ALDH18A1: variants seen among roughly 807,000 people sequenced by gnomAD.
The protein encoded by ALDH18A1 is aldehyde dehydrogenase 18 family member A1, also known as delta-1-pyrroline-5-carboxylate synthase.
Under a neutral mutation model 88.8 loss-of-function variants are expected in ALDH18A1, and 44 were observed. The ratio of observed to expected loss-of-function variants is 0.50; its 90% CI spans 0.39 to 0.64. The LOEUF (loss-of-function observed/expected upper bound fraction) is 0.64. Ranked by LOEUF, ALDH18A1 falls within the 30% of genes least tolerant of loss-of-function variation. The pLI is 0.00. For missense variants in ALDH18A1, 782 were observed against 1,009.5 expected, an observed-to-expected ratio of 0.77 and a Z score of 3.05; for synonymous variants, 331 against 372.1, an observed-to-expected ratio of 0.89 and a Z score of 1.27.
chr10:95,628,475 G>A lies in ALDH18A1; in HGVS notation c.826C>T (p.Pro276Ser), dbSNP rs372092118. The A allele has an allele frequency of 1.9e-6, 3 of 1,613,662 alleles. No individual in the cohort carries two copies. Among genetic ancestry groups the A allele is most frequent in the Non-Finnish European group, 2.5e-6 (3 of 1,179,934 alleles). Residue 276 changes from proline (P) to serine (S), a missense_variant, in exon 8 of 18, where the codon CCA becomes TCA. Coordinates refer to ENST00000371224, the MANE Select transcript of ALDH18A1 (RefSeq NM_002860.4). ...SDVEGLFDSPPGSDDAKLIDI... is the reference protein window; with the variant it reads ...SDVEGLFDSPSGSDDAKLIDI... The stretch of plus-strand genomic sequence containing the variant: ...ATAAGCTTTGCATCATCTGAACCTG[G>A]GGGGCTGTCAAAAAGGCCTAAAAAA...
intron 2 of ALDH18A1, among the ~76,000 whole-genome samples, chr10:95,652,132 A>G (rs2097911356): frequency 6.6e-6 from 1 of 152,266 alleles, no homozygotes; most frequent in Non-Finnish European, 1.5e-5. Context: ...AAGGTTACAT[A>G]CTGGATAATT....
chr10:95,643,359 C>T (rs1040970491), intron 2 of ALDH18A1, among the ~76,000 whole-genome samples, 153 bp from the exon 3 acceptor site: 5 of 152,196 alleles, frequency 3.3e-5, no homozygotes, highest in African/African-American at 1.2e-4. Flanking sequence ...ATCAAAAGCT[C>T]TATCTAGCGT....
At chr10:95,631,360 T>C (rs1307206504) in intron 7 of ALDH18A1, among the ~76,000 whole-genome samples, 2 of 152,184 alleles carry the variant, frequency 1.3e-5, no homozygotes, top group Non-Finnish European at 1.5e-5. Flanking sequence ...ATCTGTCCCA[T>C]GGTTTACATT....
chr10:95,620,664 G>A (rs2097850707), intron 12 of ALDH18A1, among the ~76,000 whole-genome samples: 1 of 151,898 alleles, frequency 6.6e-6, no homozygotes, highest in Non-Finnish European at 1.5e-5. Context: ...ATTCTCTTGA[G>A]AGAATCTCAG....
intron 5 of ALDH18A1, 137 bp from the exon 6 acceptor site, chr10:95,633,786 T>C (rs2097875301): frequency 1.8e-6 from 1 of 561,564 alleles, no homozygotes; most frequent in Non-Finnish European, 3.2e-6. Context: ...TAGAATGAAA[T>C]ACACATATCT....
At chr10:95,655,171 G>A (rs2097916021) in intron 1 of ALDH18A1, among the ~76,000 whole-genome samples, 2 of 151,348 alleles carry the variant, frequency 1.3e-5, no homozygotes, top group Non-Finnish European at 2.9e-5. Flanking sequence ...TAAGTTTTAG[G>A]GTACATGTGC....
intron 3 of ALDH18A1, among the ~76,000 whole-genome samples, chr10:95,642,552 C>T (rs983669057): frequency 1.1e-4 from 16 of 152,094 alleles, no homozygotes; most frequent in African/African-American, 3.4e-4. Flanking sequence ...TAGGTCCAGG[C>T]TGCAGTGAGC....
intron 16 of ALDH18A1, among the ~76,000 whole-genome samples, chr10:95,610,683 A>G (rs1319296654): frequency 6.6e-6 from 1 of 152,192 alleles, no homozygotes; most frequent in East Asian, 1.9e-4. Flanking sequence ...CCTAGCTGAT[A>G]GGGTTGTAGA....
chr10:95,637,986 AACAACAACAACAACAAC>A (rs2097884226), intron 3 of ALDH18A1, among the ~76,000 whole-genome samples: 41 of 65,678 alleles, frequency 6.2e-4, no homozygotes, highest in Admixed American at 4.8e-3. Context: ...CAACAACAAC[AACAACAACAACAACAAC>A]AACAACACCC....
At chr10:95,649,138 C>T (rs1043366488) in intron 2 of ALDH18A1, among the ~76,000 whole-genome samples, 5 of 152,154 alleles carry the variant, frequency 3.3e-5, no homozygotes, top group African/African-American at 1.2e-4. Context: ...AGCCTTTCAA[C>T]AAATGATGCT....
chr10:95,625,573 T>A (rs1725857675), intron 10 of ALDH18A1, 118 bp from the exon 11 acceptor site: 5 of 807,038 alleles, frequency 6.2e-6, no homozygotes, highest in Non-Finnish European at 1.0e-5. Context: ...TCCACGGTCA[T>A]CACCAGTTGA....
At chr10:95,625,188 T>TG (rs2097858569) in intron 11 of ALDH18A1, among the ~76,000 whole-genome samples, 174 bp downstream of exon 11, 1 of 152,116 alleles carries the variant, frequency 6.6e-6, no homozygotes. Flanking sequence ...CTAAAGTATT[T>TG]GGGGAAGGAG....
At chr10:95,622,687 G>A (rs1312211469) in intron 11 of ALDH18A1, among the ~76,000 whole-genome samples, 4 of 151,972 alleles carry the variant, frequency 2.6e-5, no homozygotes, top group Non-Finnish European at 4.4e-5. Context: ...ACAGGCGCCC[G>A]CCACCACACC....
At chr10:95,641,729 C>T (rs890372657) in intron 3 of ALDH18A1, among the ~76,000 whole-genome samples, 1 of 152,116 alleles carries the variant, frequency 6.6e-6, no homozygotes, top group African/African-American at 2.4e-5. Flanking sequence ...GCCTCAATCT[C>T]CCAGGCTCAA....
rs745803955 is a variant in ALDH18A1, at chr10:95,632,430, A to G, written c.808+529T>C. On this transcript the variant is annotated intron_variant, in intron 7 of 17. Coordinates refer to ENST00000371224, the MANE Select transcript of ALDH18A1 (RefSeq NM_002860.4). ...ACCCAGGCTGGAGTGCAGTGGCACG[A>G]TAACAGCTCACTGCAGCCTGGAACT... 3.3e-5 allele frequency among the ~76,000 whole-genome samples: 5 copies of G among 152,360 alleles called. No individual in the cohort carries two copies. In the East Asian group the frequency reaches 5.8e-4, roughly 18 times the overall value.
chr10:95,626,818 T>C, intron 9 of ALDH18A1, 42 bp from the exon 10 acceptor site: 1 of 1,605,336 alleles, frequency 6.2e-7, no homozygotes, highest in Non-Finnish European at 8.5e-7. Context: ...GTCACCTTAG[T>C]TCTCTCTCTA....
At chr10:95,651,058 G>A (rs749799437) in intron 2 of ALDH18A1, among the ~76,000 whole-genome samples, 17 of 152,038 alleles carry the variant, frequency 1.1e-4, no homozygotes, top group African/African-American at 2.2e-4. Context: ...GCTTGAACCC[G>A]GGAGGCAGAG....
In ALDH18A1 at chr10:95,610,229, G is replaced by A. The variant is rs1322236523; in HGVS notation, c.2174C>T (p.Thr725Ile). The A allele has an allele frequency of 6.2e-7, 1 of 1,614,018 alleles. No homozygotes were observed. Among genetic ancestry groups the A allele is most frequent in the Non-Finnish European group, 8.5e-7 (1 of 1,180,000 alleles). ...DSACVFWNAS[T>I]RFSDGYRFGL... ...AAAGCGGTAACCATCAGAAAAGCGA[G>A]TGCTGGCATTCCAGAACACACAGGC... is the stretch of plus-strand genomic sequence containing the variant. Residue 725 changes from threonine to isoleucine, a missense_variant, in exon 17 of 18, where the codon ACT becomes ATT. This residue lies in a region of ALDH18A1 where 556 missense variants were observed against 654.5 expected (regional missense o/e 0.85). Transcript: ENST00000371224.
chr10:95,616,955 G>A (rs938412904), intron 12 of ALDH18A1, among the ~76,000 whole-genome samples: 2 of 152,148 alleles, frequency 1.3e-5, no homozygotes, highest in Non-Finnish European at 2.9e-5. Flanking sequence ...TTAGCAAAGA[G>A]AACTGAGTTG....
Sources: gnomAD v4.1 joint callset for allele counts (sites outside exome capture counted in the v4.1 genomes callset) on GRCh38, gnomAD v4.1.1 for gene constraint, gnomAD v4.1.1 regional missense constraint, MANE v1.5 for transcripts, NCBI Gene and HGNC (gene_info 2026-07-23, HGNC 2026-07-21) for gene names.